The following JARID2 variants were observed in gnomAD, a reference collection of about 807,000 sequenced individuals.
JARID2 encodes the protein jumonji and AT-rich interaction domain containing 2.
Under a neutral mutation model 125.6 loss-of-function variants are expected in JARID2, and 21 were observed. The ratio of observed to expected loss-of-function variants is 0.17; its 90% CI spans 0.12 to 0.24. The LOEUF is 0.24. Ranked by LOEUF, JARID2 falls within the 10% of genes least tolerant of loss-of-function variation. JARID2 has a pLI of 1.00. For synonymous variants in JARID2, 736 were observed against 661.6 expected (o/e 1.11, Z -1.73); for missense variants, 1,303 against 1,639.6 (o/e 0.79, Z 3.55).
At chr6:15,258,478 A>G (rs909353636) in intron 1 of JARID2, among the ~76,000 whole-genome samples, 1 of 152,130 alleles carries the variant, frequency 6.6e-6, no homozygotes, top group African/African-American at 2.4e-5. Context: ...TTAAAGTGTG[A>G]AGTGCTTTAT....
chr6:15,333,131 A>T (rs898454629), intron 1 of JARID2, among the ~76,000 whole-genome samples: 3 of 151,310 alleles, frequency 2.0e-5, no homozygotes, highest in African/African-American at 7.3e-5. Context: ...ACGGGGTTTC[A>T]CTGTGTTAGC....
intron 11 of JARID2, 46 bp from the exon 12 acceptor site, chr6:15,508,294 T>C (rs773160696): frequency 2.1e-6 from 2 of 941,660 alleles, no homozygotes; most frequent in Admixed American, 1.7e-5. Context: ...TTTGAGACCT[T>C]GTTGCCTAGC....
rs1430561673 is a variant in JARID2 at position 15,452,081 on chromosome 6, G to A, written c.399G>A (p.Val133=). The part of the protein sequence containing the change: ...NSPSTTPVKI[V]EPLLPPPATQ... ...CCAGCACAACTCCAGTAAAGATAGT[G>A]GAGCCATTGCTACCCCCTCCAGCTA... The change falls in exon 4 of 18, where the codon GTG becomes GTA. Residue 133 remains valine, a synonymous_variant. Coordinates refer to ENST00000341776, the MANE Select transcript of JARID2 (RefSeq NM_004973.4). 1 of 1,614,076 alleles carries A rather than the reference G, an allele frequency of 6.2e-7. No homozygotes were observed.
intron 6 of JARID2, among the ~76,000 whole-genome samples, chr6:15,493,870 C>T (rs941035423): frequency 3.3e-5 from 5 of 152,046 alleles, no homozygotes; most frequent in Admixed American, 2.6e-4. Flanking sequence ...TCTGTTTGTC[C>T]TTACCCCTGG....
chr6:15,416,625 C>A (rs989371899), intron 3 of JARID2, among the ~76,000 whole-genome samples: 2 of 149,912 alleles, frequency 1.3e-5, no homozygotes, highest in Admixed American at 6.8e-5. Context: ...TGCAGTGAGC[C>A]GAGATGGCAG....
At chr6:15,489,270 A>G (rs954484113) in intron 6 of JARID2, among the ~76,000 whole-genome samples, 2 of 152,192 alleles carry the variant, frequency 1.3e-5, no homozygotes, top group Admixed American at 1.3e-4. Context: ...CTCATGGGCC[A>G]CATCAGAACT....
intron 1 of JARID2, among the ~76,000 whole-genome samples, chr6:15,295,363 C>T (rs1215560798): frequency 1.1e-4 from 16 of 152,036 alleles, no homozygotes; most frequent in Admixed American, 9.2e-4. Flanking sequence ...CCTCGTGATC[C>T]GCCTGCCTCA....
chr6:15,511,115 T>C (rs970140508), intron 12 of JARID2, among the ~76,000 whole-genome samples, 181 bp from the exon 13 acceptor site: 1 of 152,208 alleles, frequency 6.6e-6, no homozygotes, highest in Non-Finnish European at 1.5e-5. Context: ...GTGGCACTGC[T>C]GCCATGGGAA....
In JARID2 at chr6:15,279,021, G is replaced by A. The variant is rs143671393; in HGVS notation, c.45+32437G>A. 1.3e-3 allele frequency among the ~76,000 whole-genome samples: 201 copies of A among 151,952 alleles called. 1 individual carries two copies. Among genetic ancestry groups the A allele is most frequent in the African/African-American group, 4.4e-3 (183 of 41,462 alleles). On this transcript the variant is annotated intron_variant, in intron 1 of 17. Coordinates refer to ENST00000341776, the MANE Select transcript of JARID2 (RefSeq NM_004973.4). ...CATGAGAATCACTTGAACCTGGGAG[G>A]TGGAGGTTGCAGTGAGCCAAGATCG...
At chr6:15,497,321 C>G in intron 7 of JARID2, 151 bp downstream of exon 7, 1 of 666,202 alleles carries the variant, frequency 1.5e-6, no homozygotes, top group Non-Finnish European at 2.5e-6. Flanking sequence ...GCTCATTCCC[C>G]CTGCAGCCCT....
At chr6:15,353,801 T>C (rs1161503950) in intron 1 of JARID2, among the ~76,000 whole-genome samples, 2 of 152,140 alleles carry the variant, frequency 1.3e-5, no homozygotes, top group African/African-American at 4.8e-5. Context: ...GTAACAGAGA[T>C]GGTAGTTTTG....
chr6:15,399,740 A>G (rs1016731428), intron 2 of JARID2, among the ~76,000 whole-genome samples: 6 of 152,202 alleles, frequency 3.9e-5, no homozygotes, highest in African/African-American at 1.4e-4. Context: ...TCCTCGTTAG[A>G]TGGTTCCACA....
chr6:15,466,669 G>C (rs1768756081), intron 4 of JARID2, among the ~76,000 whole-genome samples: 1 of 152,222 alleles, frequency 6.6e-6, no homozygotes, highest in South Asian at 2.1e-4. Context: ...TAACCTGTCT[G>C]TACCCATGAA....
At chr6:15,325,043 T>C (rs1762492698) in intron 1 of JARID2, among the ~76,000 whole-genome samples, 1 of 151,876 alleles carries the variant, frequency 6.6e-6, no homozygotes, top group East Asian at 1.9e-4. Flanking sequence ...GTTTATAATT[T>C]CTTTTTTTTT....
intron 7 of JARID2, among the ~76,000 whole-genome samples, chr6:15,498,526 A>G (rs1228143260): frequency 2.6e-5 from 4 of 152,076 alleles, no homozygotes; most frequent in African/African-American, 4.8e-5. Flanking sequence ...TAAGGTTGCA[A>G]CCCCATCAGT....
intron 1 of JARID2, among the ~76,000 whole-genome samples, chr6:15,352,065 G>T (rs1256834787): frequency 1.3e-5 from 2 of 152,046 alleles, no homozygotes; most frequent in African/African-American, 4.8e-5. Context: ...TTCAGTAATA[G>T]TTCTCCCTCT....
intron 5 of JARID2, among the ~76,000 whole-genome samples, chr6:15,482,519 CTTA>C (rs1405772121): frequency 2.0e-5 from 3 of 152,064 alleles, no homozygotes. Context: ...AAACCAAAAA[CTTA>C]TTAAGAGTTA....
At chr6:15,415,836 C>CCCCACCTA (rs1270535557) in intron 3 of JARID2, among the ~76,000 whole-genome samples, 1 of 141,810 alleles carries the variant, frequency 7.1e-6, no homozygotes, top group Non-Finnish European at 1.6e-5. Flanking sequence ...CCCCCCACCT[C>CCCCACCTA]CCTCCCGGAC....
At chr6:15,350,942 A>G (rs1763402890) in intron 1 of JARID2, among the ~76,000 whole-genome samples, 1 of 151,922 alleles carries the variant, frequency 6.6e-6, no homozygotes, top group African/African-American at 2.4e-5. Flanking sequence ...TACTTATTCC[A>G]GGGTAGCTGG....
Sources: gnomAD v4.1 joint callset for allele counts (sites outside exome capture counted in the v4.1 genomes callset) on GRCh38, gnomAD v4.1.1 for gene constraint, MANE v1.5 for transcripts, NCBI Gene and HGNC (gene_info 2026-07-23, HGNC 2026-07-21) for gene names.